The following CHD4 variants were observed in gnomAD, a reference collection of about 807,000 sequenced individuals.
CHD4 encodes the protein ATP-dependent chromatin remodeler CHD4.
Under a neutral mutation model 235.5 loss-of-function variants are expected in CHD4, and 35 were observed. The ratio of observed to expected loss-of-function variants is 0.15; its 90% CI spans 0.11 to 0.20. The LOEUF is 0.20. Ranked by LOEUF, CHD4 falls within the 10% of genes least tolerant of loss-of-function variation. The probability of loss-of-function intolerance (pLI) is 1.00; values close to 1 mark genes in which losing one functional copy is unlikely to be tolerated. For synonymous variants in CHD4, 900 were observed against 850.2 expected, an observed-to-expected ratio of 1.06 and a Z score of -1.02; for missense variants, 1,329 against 2,432.3, an observed-to-expected ratio of 0.55 and a Z score of 9.54.
intron 38 of CHD4, 188 bp downstream of exon 38, chr12:6,572,886 A>AC (rs1948001202): frequency 1.8e-6 from 1 of 540,760 alleles, no homozygotes; most frequent in East Asian, 3.7e-5. Flanking sequence ...AAAAAAAAAA[A>AC]AAGGCAAAGA....
At position 6,581,173 on chromosome 12, in the gene CHD4, A is replaced by C; in HGVS notation, c.4780T>G (p.Cys1594Gly). The change falls in exon 33 of 40, where the codon TGT becomes GGT. Residue 1594 changes from cysteine (C) to glycine (G), a missense_variant and splice_region_variant. Cys to Gly is a radical substitution (Grantham distance 159). Around this residue, in one of 26 missense-constraint regions of CHD4, gnomAD observed 219 missense variants for 219.3 expected, o/e 1.00. Transcript: ENST00000544040. ...KSTAPETAIE[C>G]TQAPAPASED... The stretch of plus-strand genomic sequence containing the variant: ...GAGGCAGGGGCAGGGGCCTGTGTAC[A>C]CTTCAAAGGAAAAAAAAACAAAAAC... 5.0e-6 allele frequency: 8 copies of C among 1,611,284 alleles called. No homozygotes were observed. In the Admixed American group the frequency reaches 1.0e-4, roughly 20 times the overall value.
Position 6,593,049 on chromosome 12 carries a change from A to C in CHD4, c.2652+42T>G, listed in dbSNP as rs954990785. 6.2e-7 allele frequency: 1 copy of C among 1,607,532 alleles called. No individual in the cohort carries two copies. Among genetic ancestry groups the C allele is most frequent in the African/African-American group, 1.3e-5 (1 of 74,846 alleles). On this transcript the variant is annotated intron_variant, in intron 17 of 39. Transcript: ENST00000544040. This position sits in a 1 kb window ranked among gnomAD's most constrained non-coding sequence, Gnocchi z 4.9. ...TTAATGAATTGGTAGTACTAGAAAA[A>C]ACCCAAAGTGGGGGCTCCAACATCC...
intron 2 of CHD4, among the ~76,000 whole-genome samples, chr12:6,605,375 A>G (rs1367798869): frequency 6.6e-6 from 1 of 152,220 alleles, no homozygotes; most frequent in Non-Finnish European, 1.5e-5. Context: ...GAAGAGAAAG[A>G]CATCTGCTTA....
chr12:6,578,895 C>T lies in CHD4; in HGVS notation c.4932G>A (p.Val1644=), dbSNP rs1372809929. 3 of 1,614,188 alleles carry T rather than the reference C, an allele frequency of 1.9e-6. No individual in the cohort carries two copies. Among genetic ancestry groups the T allele is most frequent in the South Asian group, 2.2e-5 (2 of 91,084 alleles). The part of the protein sequence containing the change: ...EPKGAADVEK[V]EEKSAIDLTP... Reference sequence around the variant, plus strand: ...TCAGATCTATTGCTGACTTTTCCTCCACCTTCTCTACATCAGCAGCACCTA... The same window carrying T: ...TCAGATCTATTGCTGACTTTTCCTCTACCTTCTCTACATCAGCAGCACCTA... The change falls in exon 34 of 40, where the codon GTG becomes GTA. Residue 1644 remains valine, a synonymous_variant. Coordinates refer to ENST00000544040, the MANE Select transcript of CHD4 (RefSeq NM_001273.5).
intron 37 of CHD4, among the ~76,000 whole-genome samples, chr12:6,575,059 T>C (rs575446849): frequency 2.0e-5 from 3 of 151,948 alleles, no homozygotes; most frequent in South Asian, 2.1e-4. Flanking sequence ...TATTCATTTA[T>C]GTATCCCCTG....
intron 39 of CHD4, 49 bp from the exon 40 acceptor site, chr12:6,570,742 C>T: frequency 6.2e-7 from 1 of 1,613,822 alleles, no homozygotes; most frequent in Non-Finnish European, 8.5e-7. Flanking sequence ...TAGGAATCCA[C>T]CCAATCTCAA....
intron 2 of CHD4, chr12:6,603,063 C>G (rs1948627174): frequency 6.6e-6 from 1 of 152,482 alleles, no homozygotes; most frequent in Non-Finnish European, 1.5e-5. Context: ...ATGCCCACTT[C>G]TAAAATACAA....
At chr12:6,602,344 T>G in intron 3 of CHD4, 32 bp downstream of exon 3, 1 of 1,611,172 alleles carries the variant, frequency 6.2e-7, no homozygotes, top group South Asian at 1.1e-5. Context: ...CTTCTTCCTC[T>G]GATTCCCCGT....
chr12:6,592,309 G>C (rs1017937131), intron 19 of CHD4, 84 bp downstream of exon 19: 10 of 1,492,570 alleles, frequency 6.7e-6, no homozygotes, highest in Non-Finnish European at 8.9e-6. Flanking sequence ...CAGATGCCTT[G>C]AAGCTGAGTG....
intron 33 of CHD4, 89 bp from the exon 34 acceptor site, chr12:6,579,006 C>G (rs1040996495): frequency 2.5e-5 from 31 of 1,247,256 alleles, no homozygotes; most frequent in Non-Finnish European, 3.6e-5. Context: ...AGACCCACAT[C>G]TAAATGTCTG....
At chr12:6,574,774 T>C (rs1402275417) in intron 37 of CHD4, among the ~76,000 whole-genome samples, 1 of 152,214 alleles carries the variant, frequency 6.6e-6, no homozygotes, top group African/African-American at 2.4e-5. Flanking sequence ...TAAATGACAA[T>C]TTAACTTTCT....
chr12:6,583,574 G>A (rs1948230595), intron 25 of CHD4, 196 bp from the exon 26 acceptor site: 1 of 524,620 alleles, frequency 1.9e-6, no homozygotes, highest in Non-Finnish European at 3.3e-6. Flanking sequence ...ATATAGATTA[G>A]CAGTCAGCAT....
At chr12:6,580,715 A>AAAAAAACAAAAC (rs1053835079) in intron 33 of CHD4, 2,819 of 226,938 alleles carry the variant, frequency 0.012, 143 homozygotes, top group African/African-American at 0.059. Context: ...AAAAAAAAAA[A>AAAAAAACAAAAC]AAAAAAAAAA....
Position 6,602,195 on chromosome 12 carries a change from G to T in CHD4, c.223-20C>A, listed in dbSNP as rs368884385. 1 of 1,612,586 alleles carries T rather than the reference G, an allele frequency of 6.2e-7. No individual in the cohort carries two copies. Among genetic ancestry groups the T allele is most frequent in the African/African-American group, 1.3e-5 (1 of 74,830 alleles). On this transcript the variant is annotated intron_variant, in intron 3 of 39. Coordinates refer to ENST00000544040, the MANE Select transcript of CHD4 (RefSeq NM_001273.5). Reference sequence around the variant, plus strand: ...CATACGCTGGAGCAGGGCAAGGGGGGAAGAGGGAGACAGACACACACATGC... The same window carrying T: ...CATACGCTGGAGCAGGGCAAGGGGGTAAGAGGGAGACAGACACACACATGC...
chr12:6,604,505 G>A (rs915956859), intron 2 of CHD4, among the ~76,000 whole-genome samples: 1 of 151,968 alleles, frequency 6.6e-6, no homozygotes, highest in African/African-American at 2.4e-5. Flanking sequence ...TGCAACATCA[G>A]CCTGGATTTC....
rs1948702810 is a variant in CHD4, at chr12:6,606,466, G to A, written c.-78-15C>T. On this transcript the variant is annotated splice_polypyrimidine_tract_variant and intron_variant, in intron 1 of 39. Transcript: ENST00000544040. ...GGCCCGAGTCACTGTGCGGGGGAGGGGGGAGAAACACAGAACAGTCAGTGA... is the reference window on the plus strand; with the variant it reads ...GGCCCGAGTCACTGTGCGGGGGAGGAGGGAGAAACACAGAACAGTCAGTGA... 4.5e-6 allele frequency: 3 copies of A among 663,950 alleles called. No individual in the cohort carries two copies. The highest frequency in any genetic ancestry group is 7.6e-6 in the Non-Finnish European group (3 of 394,354). The allele number at this position is 663,950 out of a possible 1,614,324, so 41.1% of individuals were successfully genotyped here.
In CHD4 at chr12:6,582,954, T is replaced by TATTC; in HGVS notation, c.4148-19_4148-18insGAAT. The TATTC allele has an allele frequency of 6.2e-7, 1 of 1,612,696 alleles. No individual in the cohort carries two copies. Among genetic ancestry groups the TATTC allele is most frequent in the East Asian group, 2.2e-5 (1 of 44,872 alleles). ...ACGGGGAGCTGCAAGAAGAAAAAGA[T>TATTC]GAATGAGTGACACAGGTAGGATATT... On this transcript the variant is annotated intron_variant, in intron 27 of 39. Coordinates refer to ENST00000544040, the MANE Select transcript of CHD4 (RefSeq NM_001273.5).
chr12:6,592,083 G>A, intron 19 of CHD4, 26 bp from the exon 20 acceptor site: 1 of 1,613,624 alleles, frequency 6.2e-7, no homozygotes, highest in Non-Finnish European at 8.5e-7. Flanking sequence ...AGAAAGACAG[G>A]TTAGACTTGA....
In CHD4 at chr12:6,587,803, G is replaced by T. The variant is rs1948325616; in HGVS notation, c.3612C>A (p.Gly1204=). 2 of 1,614,062 alleles carry T rather than the reference G, an allele frequency of 1.2e-6. No individual in the cohort carries two copies. The highest frequency in any genetic ancestry group is 1.7e-6 in the Non-Finnish European group (2 of 1,180,050). ...LTHLVVRPGL[G]SKTGSMSKQE... ...GTTTGGACATAGATCCAGTCTTGGA[G>T]CCCAGCCCAGGCCGCACCACTAGAT... Residue 1204 remains glycine, a synonymous_variant, in exon 24 of 40, where the codon GGC becomes GGA. Coordinates refer to ENST00000544040, the MANE Select transcript of CHD4 (RefSeq NM_001273.5).
Sources: gnomAD v4.1 joint callset for allele counts (sites outside exome capture counted in the v4.1 genomes callset) on GRCh38, gnomAD v4.1.1 for gene constraint, gnomAD v4.1.1 regional missense constraint, Gnocchi (gnomAD v3.1) non-coding constraint, MANE v1.5 for transcripts, NCBI Gene and HGNC (gene_info 2026-07-23, HGNC 2026-07-21) for gene names.